Variants in NFIB observed in about 807,000 individuals in gnomAD.
NFIB encodes nuclear factor I B, also known as nuclear factor 1 B-type.
NFIB carries 11 observed loss-of-function variants against 61.5 expected under a neutral mutation model. The observed-to-expected ratio is 0.18, with a 90% CI of 0.11 to 0.30. The LOEUF (loss-of-function observed/expected upper bound fraction) is 0.30. Among genes scored for constraint, NFIB ranks in the 10% least tolerant of loss-of-function variants. The pLI is 1.00. For missense variants in NFIB, 471 were observed against 608.9 expected (o/e 0.77, Z 2.38); for synonymous variants, 260 against 216.5 (o/e 1.20, Z -1.76).
the NFIB span, among the ~76,000 whole-genome samples, chr9:14,440,837 T>C: frequency 2.6e-5 from 4 of 152,176 alleles, no homozygotes; most frequent in Admixed American, 6.5e-5. Flanking sequence ...CTTTGCCTCA[T>C]TGACTTTAAA....
rs2132692920 is a variant in NFIB, at chr9:14,306,073, C to G, written c.562+916G>C. On this transcript the variant is annotated intron_variant, in intron 2 of 10. Transcript: ENST00000380953. ...AAAAATAATAAACATTTCATTAACT[C>G]AAATATTCAGTAATAACATCATCTT... 7.3e-6 allele frequency: 5 copies of G among 685,506 alleles called. No homozygotes were observed. In the East Asian group the frequency reaches 1.6e-4, roughly 22 times the overall value. The allele number at this position is 685,506 out of a possible 1,614,324, so 42.5% of individuals were successfully genotyped here. A position where few individuals can be genotyped will look rare whatever the true frequency, so the allele number is the denominator to read the frequency against.
the NFIB span, among the ~76,000 whole-genome samples, chr9:14,440,224 C>T: frequency 6.6e-6 from 1 of 152,150 alleles, no homozygotes; most frequent in Non-Finnish European, 1.5e-5. Context: ...GCTGTGTCTT[C>T]CTCATCTTGT....
the NFIB span, among the ~76,000 whole-genome samples, chr9:14,520,089 T>C: frequency 1.3e-5 from 2 of 151,852 alleles, no homozygotes; most frequent in Admixed American, 1.3e-4. Flanking sequence ...CATGAGGATA[T>C]GTGAGGCACA....
At chr9:14,503,255 T>C in the NFIB span, among the ~76,000 whole-genome samples, 1 of 152,060 alleles carries the variant, frequency 6.6e-6, no homozygotes, top group African/African-American at 2.4e-5. Context: ...TAAACATGTG[T>C]GTGCAAGTAT....
At chr9:14,424,540 C>T in the NFIB span, among the ~76,000 whole-genome samples, 1 of 152,176 alleles carries the variant, frequency 6.6e-6, no homozygotes. Context: ...GAACGACATT[C>T]CTCGGACTAC....
intron 2 of NFIB, among the ~76,000 whole-genome samples, chr9:14,221,622 C>A: frequency 6.6e-6 from 1 of 152,120 alleles, no homozygotes; most frequent in Non-Finnish European, 1.5e-5. Context: ...TGTCTTCTGA[C>A]CTTTACTTAA....
chr9:14,174,873 G>C (rs1039828488), intron 3 of NFIB, among the ~76,000 whole-genome samples: 2 of 151,712 alleles, frequency 1.3e-5, no homozygotes, highest in African/African-American at 4.8e-5. Context: ...GATAAAACGT[G>C]GTATGAGGTC....
At chr9:14,520,954 A>G in the NFIB span, among the ~76,000 whole-genome samples, 2 of 152,186 alleles carry the variant, frequency 1.3e-5, no homozygotes, top group Non-Finnish European at 2.9e-5. Context: ...TGGCTCGCTT[A>G]TGCCTACAGA....
At chr9:14,153,574 A>T (rs572491747) in intron 4 of NFIB, among the ~76,000 whole-genome samples, 1 of 152,198 alleles carries the variant, frequency 6.6e-6, no homozygotes, top group East Asian at 1.9e-4. Context: ...TCACTCCAAA[A>T]GCTGATCCTA....
the NFIB span, among the ~76,000 whole-genome samples, chr9:14,527,369 G>C: frequency 9.9e-5 from 15 of 152,102 alleles, no homozygotes; most frequent in Non-Finnish European, 1.9e-4. Context: ...TAATTGTACA[G>C]GAGATAGCTT....
chr9:14,127,932 CAAAAAAAAA>C (rs201442988), intron 6 of NFIB, among the ~76,000 whole-genome samples: 5 of 87,238 alleles, frequency 5.7e-5, no homozygotes, highest in Non-Finnish European at 9.9e-5. Flanking sequence ...ATATCTTTTT[CAAAAAAAAA>C]AAAAAAAACC....
intron 2 of NFIB, among the ~76,000 whole-genome samples, chr9:14,195,236 C>G (rs573067297): frequency 5.6e-4 from 86 of 152,214 alleles, no homozygotes; most frequent in Admixed American, 2.2e-3. Flanking sequence ...CCAGAGATGG[C>G]AAGGTTTGAT....
chr9:14,200,523 AT>A (rs1172033370), intron 2 of NFIB, among the ~76,000 whole-genome samples: 2 of 151,908 alleles, frequency 1.3e-5, no homozygotes, highest in Admixed American at 6.6e-5. Context: ...CAAAATTACT[AT>A]TTTTTTTAAA....
At chr9:14,252,744 A>G (rs772432175) in intron 2 of NFIB, among the ~76,000 whole-genome samples, 1 of 152,222 alleles carries the variant, frequency 6.6e-6, no homozygotes, top group Non-Finnish European at 1.5e-5. Context: ...CAGGCGTCTT[A>G]AGATCTACTG....
chr9:14,498,303 A>G, the NFIB span, among the ~76,000 whole-genome samples: 1 of 152,208 alleles, frequency 6.6e-6, no homozygotes, highest in East Asian at 1.9e-4. Flanking sequence ...ATATGACTGA[A>G]ACAGACAAGG....
intron 2 of NFIB, among the ~76,000 whole-genome samples, chr9:14,291,956 C>T (rs181962616): frequency 6.6e-6 from 1 of 152,158 alleles, no homozygotes; most frequent in Admixed American, 6.5e-5. Context: ...CTTCCATCCA[C>T]ACACAAAAAA....
At chr9:14,432,082 C>T in the NFIB span, among the ~76,000 whole-genome samples, 4 of 152,164 alleles carry the variant, frequency 2.6e-5, no homozygotes, top group Non-Finnish European at 5.9e-5. Flanking sequence ...GAGAGGCTCT[C>T]TTGTATGCTA....
the NFIB span, among the ~76,000 whole-genome samples, chr9:14,408,902 G>A: frequency 6.6e-6 from 1 of 152,142 alleles, no homozygotes; most frequent in East Asian, 1.9e-4. Context: ...TTTTGCAGGT[G>A]ATAAAACTGA....
At chr9:14,451,875 A>T in the NFIB span, among the ~76,000 whole-genome samples, 2 of 146,506 alleles carry the variant, frequency 1.4e-5, no homozygotes, top group Non-Finnish European at 3.0e-5. Flanking sequence ...GCATGACCTT[A>T]TTTTTTTTTT....
Sources: gnomAD v4.1 joint callset for allele counts (sites outside exome capture counted in the v4.1 genomes callset) on GRCh38, gnomAD v4.1.1 for gene constraint, MANE v1.5 for transcripts, NCBI Gene and HGNC (gene_info 2026-07-23, HGNC 2026-07-21) for gene names.